The following PAIP2B variants were observed in gnomAD, a reference collection of about 807,000 sequenced individuals.
The protein encoded by PAIP2B is poly(A) binding protein interacting protein 2B.
A neutral mutation model predicts 17.0 loss-of-function variants in PAIP2B; 13 were observed. The observed-to-expected ratio is 0.76, with a 90% confidence interval of 0.50 to 1.22. The LOEUF is 1.22. Among genes scored for constraint, PAIP2B ranks in the 50% most tolerant of loss-of-function variants. The pLI, the probability that PAIP2B is intolerant of heterozygous loss-of-function variation, is 0.00. For missense variants in PAIP2B, 117 were observed against 144.5 expected (o/e 0.81, Z 0.98); for synonymous variants, 43 against 48.7 (o/e 0.88, Z 0.48).
At chr2:71,222,505 G>A (rs1161982854) in intron 1 of PAIP2B, among the ~76,000 whole-genome samples, 1 of 152,170 alleles carries the variant, frequency 6.6e-6, no homozygotes, top group Non-Finnish European at 1.5e-5. Context: ...GCAAAAGAGG[G>A]CAGGTCTTCA....
intron 2 of PAIP2B, among the ~76,000 whole-genome samples, chr2:71,200,093 G>A (rs1674940563): frequency 6.6e-6 from 1 of 152,126 alleles, no homozygotes; most frequent in Non-Finnish European, 1.5e-5. Context: ...GAGTTTGGGG[G>A]GTTGTAAGCT....
intron 1 of PAIP2B, among the ~76,000 whole-genome samples, chr2:71,222,832 A>G (rs1675624598): frequency 6.6e-6 from 1 of 152,252 alleles, no homozygotes; most frequent in South Asian, 2.1e-4. Context: ...TTACATGGGC[A>G]AGTGGCCTCA....
At chr2:71,198,303 T>G (rs1674880028) in intron 2 of PAIP2B, among the ~76,000 whole-genome samples, 1 of 131,884 alleles carries the variant, frequency 7.6e-6, no homozygotes, top group African/African-American at 2.6e-5. Context: ...TTTTTTTTTT[T>G]GAGACAGAGT....
Position 71,184,968 on chromosome 2 carries a change from G to T in PAIP2B, c.*3511C>A, listed in dbSNP as rs1269960591. ...GATGGTGGGACCCTTATTGACGAAG[G>T]CCTGCCCCCTCCTCACAGTTGGGTA... On this transcript the variant is annotated 3_prime_UTR_variant, in exon 4 of 4. Transcript: ENST00000244221. 2.6e-5 allele frequency: 4 copies of T among 152,108 alleles called. No homozygotes were observed. The East Asian group carries it at 5.8e-4, about 22-fold the overall frequency. The allele number at this position is 152,108 out of a possible 1,614,324, so 9.4% of individuals were successfully genotyped here. A position where few individuals can be genotyped will look rare whatever the true frequency, so the allele number is the denominator to read the frequency against.
chr2:71,198,181 G>GTGA (rs1674875084), intron 2 of PAIP2B, among the ~76,000 whole-genome samples: 1 of 152,060 alleles, frequency 6.6e-6, no homozygotes, highest in Non-Finnish European at 1.5e-5. Context: ...GTGCAGTGAT[G>GTGA]TGATCTCAGC....
intron 2 of PAIP2B, among the ~76,000 whole-genome samples, chr2:71,199,305 A>G (rs1441019895): frequency 6.6e-6 from 1 of 152,098 alleles, no homozygotes; most frequent in African/African-American, 2.4e-5. Context: ...AGCCCCCTTA[A>G]TCTCAACACT....
At chr2:71,192,460 T>C (rs2103757432) in intron 2 of PAIP2B, among the ~76,000 whole-genome samples, 1 of 152,236 alleles carries the variant, frequency 6.6e-6, no homozygotes, top group East Asian at 1.9e-4. Context: ...TACTTTTTTT[T>C]TAATTTTAGG....
At chr2:71,194,116 T>C (rs1674755426) in intron 2 of PAIP2B, among the ~76,000 whole-genome samples, 1 of 152,236 alleles carries the variant, frequency 6.6e-6, no homozygotes, top group Admixed American at 6.5e-5. Context: ...TTTTGGTCAC[T>C]GTAGACTTGC....
At chr2:71,203,648 C>T (rs1342528041) in intron 1 of PAIP2B, among the ~76,000 whole-genome samples, 1 of 151,770 alleles carries the variant, frequency 6.6e-6, no homozygotes, top group Non-Finnish European at 1.5e-5. Context: ...TGCTAAAGTA[C>T]TTTGCCCATT....
At chr2:71,192,641 A>C (rs375026645) in intron 2 of PAIP2B, among the ~76,000 whole-genome samples, 3 of 151,960 alleles carry the variant, frequency 2.0e-5, no homozygotes, top group South Asian at 4.2e-4. Context: ...CCTTGTGTTC[A>C]TAAATTCTTA....
chr2:71,222,475 A>T (rs920725120), intron 1 of PAIP2B, among the ~76,000 whole-genome samples: 1 of 152,220 alleles, frequency 6.6e-6, no homozygotes, highest in Non-Finnish European at 1.5e-5. Flanking sequence ...CTTGGAAAAT[A>T]CAAATGTTGA....
chr2:71,212,531 G>C (rs1675327379), intron 1 of PAIP2B, among the ~76,000 whole-genome samples: 2 of 152,216 alleles, frequency 1.3e-5, no homozygotes, highest in Admixed American at 1.3e-4. Context: ...ACTCTTCGTT[G>C]AGTATGAACA....
intron 3 of PAIP2B, 41 bp downstream of exon 3, chr2:71,189,804 C>G: frequency 6.7e-7 from 1 of 1,497,520 alleles, no homozygotes; most frequent in Non-Finnish European, 9.0e-7. Flanking sequence ...ATCCTATATT[C>G]TTTTCACTAC....
chr2:71,210,972 C>T (rs1355910567), intron 1 of PAIP2B, among the ~76,000 whole-genome samples: 2 of 152,140 alleles, frequency 1.3e-5, no homozygotes, highest in African/African-American at 2.4e-5. Context: ...GCTGGCCAGG[C>T]GCAGTGGCTC....
At chr2:71,190,078 C>A in intron 2 of PAIP2B, 57 bp from the exon 3 acceptor site, 2 of 1,497,124 alleles carry the variant, frequency 1.3e-6, no homozygotes, top group South Asian at 1.3e-5. Context: ...TTACCCCTTC[C>A]AGTTTTTCCT....
At chr2:71,211,016 G>C (rs551450121) in intron 1 of PAIP2B, among the ~76,000 whole-genome samples, 1 of 152,338 alleles carries the variant, frequency 6.6e-6, no homozygotes, top group East Asian at 1.9e-4. Context: ...GGAGGCCGAG[G>C]TGGGTGAATC....
At chr2:71,219,790 T>A (rs1675531165) in intron 1 of PAIP2B, among the ~76,000 whole-genome samples, 2 of 152,208 alleles carry the variant, frequency 1.3e-5, no homozygotes, top group Non-Finnish European at 2.9e-5. Flanking sequence ...CCATTCATAG[T>A]CCTATTCTCC....
rs1558770200 is a variant in PAIP2B at position 71,188,206 on chromosome 2, GA to G, written c.*272del. The G allele has an allele frequency of 1.3e-5, 6 of 464,944 alleles. No homozygotes were observed. The highest frequency in any genetic ancestry group is 7.7e-5 in the Admixed American group (2 of 25,904). The allele number at this position is 464,944 out of a possible 1,614,324, so 28.8% of individuals were successfully genotyped here. A position where few individuals can be genotyped will look rare whatever the true frequency, so the allele number is the denominator to read the frequency against. ...CGCGGAACACTTCTGATGAAGGGGG[GA>G]AAATGCAATTTCCTTAACTCGAAAG... On this transcript the variant is annotated 3_prime_UTR_variant, in exon 4 of 4. Coordinates refer to ENST00000244221, the MANE Select transcript of PAIP2B (RefSeq NM_020459.1).
chr2:71,221,963 T>C (rs561651811), intron 1 of PAIP2B, among the ~76,000 whole-genome samples: 109 of 152,100 alleles, frequency 7.2e-4, no homozygotes, highest in African/African-American at 2.4e-3. Context: ...AAACGGAACA[T>C]GGGAGGGGAC....
Sources: allele counts gnomAD v4.1 joint callset (sites outside exome capture counted in the v4.1 genomes callset), GRCh38; gene constraint gnomAD v4.1.1; transcripts MANE v1.5; gene names NCBI Gene and HGNC (gene_info 2026-07-23, HGNC 2026-07-21).